Variants in FMNL2 observed in about 807,000 individuals in gnomAD.
FMNL2 encodes formin-like protein 2.
FMNL2 carries 51 observed loss-of-function variants against 130.2 expected under a neutral mutation model. That is an observed-to-expected ratio of 0.39 (90% confidence interval 0.31 to 0.49). FMNL2 has a LOEUF of 0.49. Among genes scored for constraint, FMNL2 ranks in the 20% least tolerant of loss-of-function variants. The probability of loss-of-function intolerance (pLI) is 0.85; values close to 1 mark genes in which losing one functional copy is unlikely to be tolerated. For synonymous variants in FMNL2, 465 were observed against 467.1 expected (o/e 1.00, Z 0.06); for missense variants, 977 against 1,316.2 (o/e 0.74, Z 3.99).
intron 1 of FMNL2, among the ~76,000 whole-genome samples, chr2:152,463,484 C>T (rs1241110103): frequency 2.0e-5 from 3 of 152,176 alleles, no homozygotes; most frequent in Non-Finnish European, 4.4e-5. Flanking sequence ...CTAAATCATA[C>T]CCTTGTGGCC....
intron 1 of FMNL2, among the ~76,000 whole-genome samples, chr2:152,400,378 G>A (rs190590056): frequency 6.6e-6 from 1 of 152,142 alleles, no homozygotes; most frequent in Admixed American, 6.5e-5. Context: ...GGAGGTTGCA[G>A]TGAGCTGAGA....
intron 1 of FMNL2, among the ~76,000 whole-genome samples, chr2:152,415,268 C>G (rs13391023): frequency 0.13 from 20,152 of 151,968 alleles, 1,551 homozygotes; most frequent in East Asian, 0.19. Context: ...GTTCTTGGCT[C>G]GGAGACAGCA....
Position 152,379,632 on chromosome 2 carries a change from T to A in FMNL2, c.117+43912T>A, listed in dbSNP as rs117226624. Among the ~76,000 whole-genome samples, 363 of 152,296 alleles carry A rather than the reference T, an allele frequency of 2.4e-3. 10 individuals carry two copies. The East Asian group carries it at 0.058, about 24-fold the overall frequency. On this transcript the variant is annotated intron_variant, in intron 1 of 25. Coordinates refer to ENST00000288670, the MANE Select transcript of FMNL2 (RefSeq NM_052905.4). ...TCCCTAATTTTAAAACCTAAATACT[T>A]TAACAAGCTGCTCAACATGAAGAAG...
intron 1 of FMNL2, among the ~76,000 whole-genome samples, chr2:152,381,810 C>CTTTTTTTTTTTT (rs3047878): frequency 6.7e-6 from 1 of 149,916 alleles, no homozygotes. Context: ...CAAAGCAGAA[C>CTTTTTTTTTTTT]TTTTTTTTTT....
At chr2:152,565,618 C>A (rs1348153767) in intron 6 of FMNL2, among the ~76,000 whole-genome samples, 1 of 152,108 alleles carries the variant, frequency 6.6e-6, no homozygotes, top group Admixed American at 6.5e-5. Flanking sequence ...CCTGAATATG[C>A]CCATAGTTTA....
chr2:152,560,811 A>G (rs6713836), intron 5 of FMNL2, 72 bp from the exon 6 acceptor site: 1,112,559 of 1,435,296 alleles, frequency 0.78, 432,451 homozygotes, highest in Middle Eastern at 0.79. Context: ...AGGAACAGCA[A>G]GTTATACATG....
intron 1 of FMNL2, among the ~76,000 whole-genome samples, chr2:152,387,898 C>T (rs1684874607): frequency 6.6e-6 from 1 of 151,698 alleles, no homozygotes; most frequent in Non-Finnish European, 1.5e-5. Flanking sequence ...ACACAATCCT[C>T]TTGACTCAAC....
intron 25 of FMNL2, chr2:152,643,308 C>A: frequency 6.9e-7 from 1 of 1,452,564 alleles, no homozygotes; most frequent in South Asian, 1.3e-5. Context: ...CCATCTTCCC[C>A]ACCCCCATCC....
rs573781470 is a variant in FMNL2 at position 152,537,355 on chromosome 2, G to A, written c.202-5384G>A. Among the ~76,000 whole-genome samples, 51 of 152,290 alleles carry A rather than the reference G, an allele frequency of 3.3e-4. 1 individual carries two copies. The South Asian group carries it at 0.01, about 31-fold the overall frequency. The stretch of plus-strand genomic sequence containing the variant: ...TGTCTGCAAGGCAGGTATGTGTATA[G>A]GCAGCCTAACGTTCCAGGCAACCAG... On this transcript the variant is annotated intron_variant, in intron 2 of 25. Transcript: ENST00000288670.
At chr2:152,617,280 T>A (rs2304556) in intron 13 of FMNL2, 88 bp downstream of exon 13, 1 of 1,147,432 alleles carries the variant, frequency 8.7e-7, no homozygotes, top group Non-Finnish European at 1.3e-6. Flanking sequence ...TACCTTCATT[T>A]CAGAGGAATG....
chr2:152,401,214 A>G lies in FMNL2; in HGVS notation c.117+65494A>G, dbSNP rs546365371. On this transcript the variant is annotated intron_variant, in intron 1 of 25. Transcript: ENST00000288670. ...AAAGTTTGGGGAATTTATCAGTTTC[A>G]AAAAGTATTATTTTACAGAAGTCCC... Among the ~76,000 whole-genome samples, 8 of 152,294 alleles carry G rather than the reference A, an allele frequency of 5.3e-5. No individual in the cohort carries two copies. In the South Asian group the frequency reaches 1.7e-3, roughly 32 times the overall value.
intron 1 of FMNL2, among the ~76,000 whole-genome samples, chr2:152,468,866 A>G (rs1174506064): frequency 1.3e-5 from 2 of 152,160 alleles, no homozygotes; most frequent in East Asian, 1.9e-4. Flanking sequence ...CTGGCTAGAG[A>G]ACTCATTCAA....
At chr2:152,474,075 C>T (rs745821246) in intron 1 of FMNL2, among the ~76,000 whole-genome samples, 3 of 152,100 alleles carry the variant, frequency 2.0e-5, no homozygotes, top group African/African-American at 4.8e-5. Context: ...TAGCGTTTTG[C>T]TATATTGGCC....
intron 1 of FMNL2, among the ~76,000 whole-genome samples, chr2:152,439,447 G>A (rs1687945492): frequency 6.6e-6 from 1 of 152,072 alleles, no homozygotes; most frequent in East Asian, 1.9e-4. Context: ...TTACTTTTAA[G>A]TAATGGATAT....
In FMNL2 at chr2:152,349,094, C is replaced by T. The variant is rs1682315094; in HGVS notation, c.117+13374C>T. On this transcript the variant is annotated intron_variant, in intron 1 of 25. Transcript: ENST00000288670. ...TCATGATCCACCCGCCTCGGCCTCCCAAAGTGCTGGGATTACAGGCGTGAG... is the reference window on the plus strand; with the variant it reads ...TCATGATCCACCCGCCTCGGCCTCCTAAAGTGCTGGGATTACAGGCGTGAG... 1.6e-5 allele frequency among the ~76,000 whole-genome samples: 2 copies of T among 125,708 alleles called. 1 individual carries two copies. The highest frequency in any genetic ancestry group is 6.6e-5 in the African/African-American group (2 of 30,124). The allele number at this position is 125,708 out of a possible 152,430, so 82.5% of individuals were successfully genotyped here. A position where few individuals can be genotyped will look rare whatever the true frequency, so the allele number is the denominator to read the frequency against.
intron 1 of FMNL2, among the ~76,000 whole-genome samples, chr2:152,426,703 C>T (rs1687221212): frequency 6.6e-6 from 1 of 151,410 alleles, no homozygotes; most frequent in Non-Finnish European, 1.5e-5. Context: ...TTGAGAAACA[C>T]AGAAGCATAT....
At chr2:152,607,229 G>A (rs914756601) in intron 9 of FMNL2, 110 bp from the exon 10 acceptor site, 62 of 893,558 alleles carry the variant, frequency 6.9e-5, no homozygotes, top group Admixed American at 3.3e-4. Context: ...GTTTATGAGA[G>A]AGAAAAAGAT....
intron 1 of FMNL2, among the ~76,000 whole-genome samples, chr2:152,449,877 G>C (rs1337945362): frequency 1.3e-5 from 2 of 152,184 alleles, no homozygotes; most frequent in Non-Finnish European, 2.9e-5. Context: ...TCCCAGAGTA[G>C]TCTAATGAGT....
At chr2:152,553,721 A>G (rs1003333366) in intron 4 of FMNL2, among the ~76,000 whole-genome samples, 4 of 151,566 alleles carry the variant, frequency 2.6e-5, no homozygotes, top group African/African-American at 4.8e-5. Flanking sequence ...TTAAATACAT[A>G]TAAAATAAAT....
Sources: allele counts gnomAD v4.1 joint callset (sites outside exome capture counted in the v4.1 genomes callset), GRCh38; gene constraint gnomAD v4.1.1; transcripts MANE v1.5; gene names NCBI Gene and HGNC (gene_info 2026-07-23, HGNC 2026-07-21).